PAPPA2: variants seen among roughly 807,000 people sequenced by gnomAD.
PAPPA2 encodes pappalysin-2.
In PAPPA2, 86 loss-of-function variants were observed where a neutral mutation model predicts 176.4. The ratio of observed to expected loss-of-function variants is 0.49; its 90% confidence interval spans 0.41 to 0.58. The LOEUF (loss-of-function observed/expected upper bound fraction) is 0.58. Among genes scored for constraint, PAPPA2 ranks in the 20% least tolerant of loss-of-function variants. The pLI, the probability that PAPPA2 is intolerant of heterozygous loss-of-function variation, is 0.00. For missense variants in PAPPA2, 2,073 were observed against 2,256.9 expected, an observed-to-expected ratio of 0.92 and a Z score of 1.65; for synonymous variants, 809 against 852.2, an observed-to-expected ratio of 0.95 and a Z score of 0.88.
chr1:176,586,150 A>C (rs1345304979), intron 2 of PAPPA2, among the ~76,000 whole-genome samples: 2 of 152,088 alleles, frequency 1.3e-5, no homozygotes, highest in African/African-American at 4.8e-5. Flanking sequence ...AATTTTATGA[A>C]ATAGATTTAT....
intron 12 of PAPPA2, among the ~76,000 whole-genome samples, chr1:176,724,580 T>G (rs766904924): frequency 6.6e-6 from 1 of 152,210 alleles, no homozygotes; most frequent in Non-Finnish European, 1.5e-5. Flanking sequence ...ATGCTCACAG[T>G]GTCTTCCACA....
chr1:176,475,576 C>A (rs902279292), intron 1 of PAPPA2, among the ~76,000 whole-genome samples: 1 of 152,132 alleles, frequency 6.6e-6, no homozygotes, highest in Non-Finnish European at 1.5e-5. Context: ...TTATGGAGTC[C>A]TCCAGGATGG....
At chr1:176,834,086 CAT>C (rs1292928577) in intron 21 of PAPPA2, among the ~76,000 whole-genome samples, 1 of 152,128 alleles carries the variant, frequency 6.6e-6, no homozygotes, top group Non-Finnish European at 1.5e-5. Flanking sequence ...ATAGGACAAT[CAT>C]ATTTATTTAT....
intron 3 of PAPPA2, among the ~76,000 whole-genome samples, chr1:176,626,417 T>A (rs879567862): frequency 3.3e-5 from 5 of 152,228 alleles, no homozygotes; most frequent in Non-Finnish European, 7.3e-5. Context: ...GAGATTTTTT[T>A]AAACATCTCT....
Position 176,594,807 on chromosome 1 carries a change from A to C in PAPPA2, c.1203A>C (p.Ala401=). The C allele has an allele frequency of 6.2e-7, 1 of 1,614,208 alleles. No individual in the cohort carries two copies. Among genetic ancestry groups the C allele is most frequent in the Non-Finnish European group, 8.5e-7 (1 of 1,180,040 alleles). Residue 401 remains alanine (A), a synonymous_variant, in exon 3 of 23, where the codon GCA becomes GCC. Transcript: ENST00000367662. ...GTCCCCTGAACAGCCCCTTCATGGC[A>C]TCTTGCCGCTCTTTGCTCCTGGGGG... ...QSGPLNSPFM[A]SCRSLLLGGD... is the part of the protein sequence containing the mutation.
intron 1 of PAPPA2, among the ~76,000 whole-genome samples, chr1:176,523,912 T>G (rs1322313212): frequency 6.6e-6 from 1 of 152,208 alleles, no homozygotes; most frequent in African/African-American, 2.4e-5. Context: ...CCAGATTCTC[T>G]GAAGTTGTGA....
rs1174877696 is a variant in PAPPA2, at chr1:176,697,040, T to TTG, written c.2746+1192_2746+1193dup. Among the ~76,000 whole-genome samples, 4 of 152,038 alleles carry TTG rather than the reference T, an allele frequency of 2.6e-5. No homozygotes were observed. In the South Asian group the frequency reaches 8.3e-4, roughly 32 times the overall value. The stretch of plus-strand genomic sequence containing the variant: ...GATTTGCATTTCATAAAGGGCCATT[T>TTG]TGTGTGTGTGTGGCAGTCTGTCCTG... On this transcript the variant is annotated intron_variant, in intron 7 of 22. Coordinates refer to ENST00000367662, the MANE Select transcript of PAPPA2 (RefSeq NM_020318.3).
Position 176,623,622 on chromosome 1 carries a change from C to CTTTCTTT in PAPPA2, c.1991+28027_1991+28028insTTTCTTT, listed in dbSNP as rs1558479081. ...TCCTTCCTTCCTTCCTTCCTTCCTT[C>CTTTCTTT]CTTTTTTACTTTCTTTCTTTCTTTC... On this transcript the variant is annotated intron_variant, in intron 3 of 22. Transcript: ENST00000367662. Among the ~76,000 whole-genome samples the CTTTCTTT allele has an allele frequency of 8.4e-3, 668 of 79,736 alleles. 7 individuals carry two copies. Among genetic ancestry groups the CTTTCTTT allele is most frequent in the Non-Finnish European group, 0.011 (461 of 41,444 alleles). The allele number at this position is 79,736 out of a possible 152,430, so 52.3% of individuals were successfully genotyped here.
chr1:176,604,285 T>G (rs1227329662), intron 3 of PAPPA2, among the ~76,000 whole-genome samples: 1 of 152,228 alleles, frequency 6.6e-6, no homozygotes, highest in Non-Finnish European at 1.5e-5. Flanking sequence ...CATGCTATTT[T>G]GTTTATTTTG....
intron 14 of PAPPA2, among the ~76,000 whole-genome samples, chr1:176,743,377 C>T (rs1662769998): frequency 6.6e-6 from 1 of 152,096 alleles, no homozygotes; most frequent in Admixed American, 6.6e-5. Flanking sequence ...CAGTTTATGA[C>T]CCTTTGAGCT....
At chr1:176,568,578 C>A (rs1288881708) in intron 2 of PAPPA2, among the ~76,000 whole-genome samples, 1 of 152,192 alleles carries the variant, frequency 6.6e-6, no homozygotes. Context: ...AGAGCCCCAA[C>A]CTTCCTCAAC....
intron 1 of PAPPA2, among the ~76,000 whole-genome samples, chr1:176,517,004 A>G (rs965081948): frequency 6.6e-6 from 1 of 152,230 alleles, no homozygotes; most frequent in Non-Finnish European, 1.5e-5. Flanking sequence ...AATGAAACTT[A>G]GGAAAACTCT....
Position 176,557,139 on chromosome 1 carries a change from C to T in PAPPA2, c.817C>T (p.Leu273=). ...CTTCTCTGGGAGGCGGGAGCGGCTG[C>T]TGCTGCGTCCAGAAGTGCTGGCTGA... ...LYFSGRRERL[L]LRPEVLAEIP... Residue 273 remains leucine (L), a synonymous_variant, in exon 2 of 23, where the codon CTG becomes TTG. Coordinates refer to ENST00000367662, the MANE Select transcript of PAPPA2 (RefSeq NM_020318.3). 2 of 1,613,838 alleles carry T rather than the reference C, an allele frequency of 1.2e-6. No individual in the cohort carries two copies. The highest frequency in any genetic ancestry group is 1.7e-6 in the Non-Finnish European group (2 of 1,180,006).
chr1:176,692,044 C>G, intron 5 of PAPPA2, 82 bp from the exon 6 acceptor site: 1 of 1,365,732 alleles, frequency 7.3e-7, no homozygotes, highest in Middle Eastern at 1.9e-4. Context: ...CAGCCATGAA[C>G]AAGACACAAA....
At chr1:176,607,841 A>C (rs547917622) in intron 3 of PAPPA2, among the ~76,000 whole-genome samples, 10 of 152,312 alleles carry the variant, frequency 6.6e-5, no homozygotes, top group Admixed American at 2.6e-4. Context: ...TTTAATCTCC[A>C]TAAGTTGTAT....
At chr1:176,676,102 A>G (rs1480473342) in intron 4 of PAPPA2, among the ~76,000 whole-genome samples, 2 of 152,130 alleles carry the variant, frequency 1.3e-5, no homozygotes, top group African/African-American at 2.4e-5. Flanking sequence ...AGGATACAGA[A>G]AAATGGGATC....
intron 21 of PAPPA2, among the ~76,000 whole-genome samples, chr1:176,835,048 G>C (rs1286285479): frequency 6.6e-6 from 1 of 152,158 alleles, no homozygotes; most frequent in African/African-American, 2.4e-5. Context: ...CTCTGTGTTA[G>C]ATTGCTAGGT....
chr1:176,716,965 T>A (rs933341248), intron 12 of PAPPA2, among the ~76,000 whole-genome samples: 1 of 152,112 alleles, frequency 6.6e-6, no homozygotes, highest in African/African-American at 2.4e-5. Flanking sequence ...CCATCCCCTC[T>A]TCTGACTCAA....
intron 12 of PAPPA2, among the ~76,000 whole-genome samples, chr1:176,716,089 G>A (rs923263694): frequency 5.3e-5 from 8 of 151,436 alleles, no homozygotes; most frequent in Non-Finnish European, 2.9e-5. Flanking sequence ...GAGGGTACTG[G>A]CCCCAACTGT....
Sources: allele counts gnomAD v4.1 joint callset (sites outside exome capture counted in the v4.1 genomes callset), GRCh38; gene constraint gnomAD v4.1.1; transcripts MANE v1.5; gene names NCBI Gene and HGNC (gene_info 2026-07-23, HGNC 2026-07-21).